DMBX1: variants seen among roughly 807,000 people sequenced by gnomAD.
DMBX1 encodes diencephalon/mesencephalon homeobox protein 1.
DMBX1 carries 7 observed loss-of-function variants against 30.4 expected under a neutral mutation model. The ratio of observed to expected loss-of-function variants is 0.23; its 90% confidence interval spans 0.13 to 0.43. The LOEUF is 0.43. Among genes scored for constraint, DMBX1 ranks in the 20% least tolerant of loss-of-function variants. DMBX1 has a pLI of 1.00. For synonymous variants in DMBX1, 222 were observed against 214.2 expected (o/e 1.04, Z -0.32); for missense variants, 460 against 508.5 (o/e 0.90, Z 0.92).
intron 2 of DMBX1, among the ~76,000 whole-genome samples, chr1:46,495,873 G>A (rs947021959): frequency 6.6e-6 from 1 of 152,174 alleles, no homozygotes; most frequent in Admixed American, 6.5e-5. Context: ...GCTTTGGAGA[G>A]CCATGGCTCA....
In DMBX1 at chr1:46,515,850, C is replaced by T. The variant is rs1428351097; in HGVS notation, c.*3356C>T. 6.6e-6 allele frequency among the ~76,000 whole-genome samples: 1 copy of T among 152,226 alleles called. No homozygotes were observed. Among genetic ancestry groups the T allele is most frequent in the Non-Finnish European group, 1.5e-5 (1 of 68,040 alleles). On this transcript the variant is annotated 3_prime_UTR_variant, in exon 6 of 6. Coordinates refer to ENST00000360032, the MANE Select transcript of DMBX1 (RefSeq NM_172225.2). Reference sequence around the variant, plus strand: ...TCCAGGAATGCCTCATGCCTGGCCTCTCCCTGCTGTCTGAGTCTCCATTTC... The same window carrying T: ...TCCAGGAATGCCTCATGCCTGGCCTTTCCCTGCTGTCTGAGTCTCCATTTC...
chr1:46,497,736 G>A (rs979266194), intron 2 of DMBX1, among the ~76,000 whole-genome samples: 4 of 152,240 alleles, frequency 2.6e-5, no homozygotes, highest in African/African-American at 7.2e-5. Flanking sequence ...AGCCAGCAGC[G>A]ATGCGGGGAC....
chr1:46,498,885 A>G (rs1666072594), intron 2 of DMBX1, among the ~76,000 whole-genome samples: 1 of 152,160 alleles, frequency 6.6e-6, no homozygotes, highest in African/African-American at 2.4e-5. Flanking sequence ...AGGGGCCTTG[A>G]TGTCCAGCTG....
In DMBX1 at chr1:46,511,086, C is replaced by T; in HGVS notation, c.485C>T (p.Pro162Leu). The T allele has an allele frequency of 6.2e-7, 1 of 1,614,110 alleles. No individual in the cohort carries two copies. Among genetic ancestry groups the T allele is most frequent in the Non-Finnish European group, 8.5e-7 (1 of 1,180,012 alleles). The part of the protein sequence containing the change: ...TPDTQLDTEQ[P>L]PRLPGSDPPA... ...GATACCCAGCTGGACACTGAGCAGC[C>T]CCCACGTCTGCCTGGCAGCGACCCC... is the stretch of plus-strand genomic sequence containing the variant. Residue 162 changes from proline (P) to leucine (L), a missense_variant, in exon 5 of 6, where the codon CCC becomes CTC. Physicochemically the swap from Pro to Leu is moderately conservative, Grantham distance 98. Transcript: ENST00000360032.
intron 2 of DMBX1, among the ~76,000 whole-genome samples, chr1:46,501,251 T>TC (rs1458073081): frequency 7.1e-6 from 1 of 140,190 alleles, no homozygotes; most frequent in Non-Finnish European, 1.5e-5. Flanking sequence ...TCTTTCTTTC[T>TC]TTCTTTCTTT....
chr1:46,510,721 C>A lies in DMBX1; in HGVS notation c.333+67C>A. On this transcript the variant is annotated intron_variant, in intron 4 of 5. Transcript: ENST00000360032. This position sits in a 1 kb window ranked among gnomAD's most constrained non-coding sequence, Gnocchi z 4.1. ...CAGCCCATCAGTCTGCCCGCTTGTC[C>A]AGGAGCCAGCATGTCATCCCTGTGC... The A allele has an allele frequency of 6.5e-7, 1 of 1,540,744 alleles. No individual in the cohort carries two copies. The highest frequency in any genetic ancestry group is 8.8e-7 in the Non-Finnish European group (1 of 1,140,464).
intron 2 of DMBX1, among the ~76,000 whole-genome samples, chr1:46,505,879 T>C (rs1189714924): frequency 1.3e-5 from 2 of 152,000 alleles, no homozygotes; most frequent in African/African-American, 4.8e-5. Context: ...CTGTTCTTTC[T>C]CTGAGCCTCA....
intron 2 of DMBX1, among the ~76,000 whole-genome samples, chr1:46,494,269 C>G (rs1001621266): frequency 6.6e-6 from 1 of 152,202 alleles, no homozygotes; most frequent in Non-Finnish European, 1.5e-5. Context: ...AGTGGCCTCT[C>G]CCATCTTCTT....
At position 46,493,518 on chromosome 1, in the gene DMBX1, G is replaced by T. The variant is rs1298758964; in HGVS notation, c.-13+2735G>T. Reference sequence around the variant, plus strand: ...GGACAGACCACAGATCCCAGCTCTGGTGGCTCTGGCCCCAACTGTTCTTCG... The same window carrying T: ...GGACAGACCACAGATCCCAGCTCTGTTGGCTCTGGCCCCAACTGTTCTTCG... On this transcript the variant is annotated intron_variant, in intron 2 of 5. Transcript: ENST00000360032. This position sits in a 1 kb window ranked among gnomAD's most constrained non-coding sequence, Gnocchi z 4.1. 1.3e-5 allele frequency among the ~76,000 whole-genome samples: 2 copies of T among 152,252 alleles called. No individual in the cohort carries two copies. The highest frequency in any genetic ancestry group is 1.3e-4 in the Admixed American group (2 of 15,292).
At chr1:46,511,956 C>G in intron 5 of DMBX1, 87 bp from the exon 6 acceptor site, 1 of 1,336,604 alleles carries the variant, frequency 7.5e-7, no homozygotes, top group South Asian at 1.3e-5. Context: ...TCTATAGTGC[C>G]AAGGAGGTGA....
At chr1:46,501,584 A>G (rs1478371460) in intron 2 of DMBX1, among the ~76,000 whole-genome samples, 1 of 152,120 alleles carries the variant, frequency 6.6e-6, no homozygotes, top group Non-Finnish European at 1.5e-5. Context: ...TTCTTTGGTT[A>G]TAAATAAGGC....
chr1:46,497,340 TG>T (rs1235948419), intron 2 of DMBX1, among the ~76,000 whole-genome samples: 1 of 152,200 alleles, frequency 6.6e-6, no homozygotes, highest in African/African-American at 2.4e-5. Flanking sequence ...ATTCAAAGAC[TG>T]GTAGCTGTTG....
intron 2 of DMBX1, among the ~76,000 whole-genome samples, chr1:46,500,396 G>C (rs1666100878): frequency 6.6e-6 from 1 of 152,098 alleles, no homozygotes; most frequent in Non-Finnish European, 1.5e-5. Context: ...CCTGAGTTTG[G>C]TGGGGGAGGG....
rs76452763 is a variant in DMBX1, at chr1:46,491,952, C to A, written c.-13+1169C>A. On this transcript the variant is annotated intron_variant, in intron 2 of 5. Transcript: ENST00000360032. The surrounding 1 kb of genome is among the most constrained non-coding windows in gnomAD (Gnocchi z 5.5). ...TTCTCTGGATAATTGGCTCAAATCTCTCTCCTGTATGGCTGGGGTAGACAC... is the reference window on the plus strand; with the variant it reads ...TTCTCTGGATAATTGGCTCAAATCTATCTCCTGTATGGCTGGGGTAGACAC... Among the ~76,000 whole-genome samples, 840 of 152,348 alleles carry A rather than the reference C, an allele frequency of 5.5e-3. 12 individuals carry two copies. The highest frequency in any genetic ancestry group is 0.054 in the East Asian group (280 of 5,186).
At chr1:46,507,568 T>A (rs1003365125) in intron 3 of DMBX1, among the ~76,000 whole-genome samples, 3 of 152,174 alleles carry the variant, frequency 2.0e-5, no homozygotes, top group African/African-American at 7.2e-5. Context: ...AAATAACAGC[T>A]TCTATGTTCT....
At position 46,510,530 on chromosome 1, in the gene DMBX1, G is replaced by A. The variant is rs1569897320; in HGVS notation, c.209G>A (p.Arg70His). Residue 70 changes from arginine to histidine, a missense_variant, in exon 4 of 6, where the codon CGC (arginine) becomes CAC (histidine). This residue lies in a region of DMBX1 where 124 missense variants were observed against 144.0 expected (regional missense o/e 0.86). Transcript: ENST00000360032. This position sits in a 1 kb window ranked among gnomAD's most constrained non-coding sequence, Gnocchi z 4.1. ...GSQHRKQRRS[R>H]TAFTAQQLEA... ...CAGCACCGCAAACAACGTCGCAGCC[G>A]CACAGCGTTCACGGCTCAGCAGCTC... is the stretch of plus-strand genomic sequence containing the variant. 6.2e-7 allele frequency: 1 copy of A among 1,613,970 alleles called. No homozygotes were observed. Among genetic ancestry groups the A allele is most frequent in the Admixed American group, 1.7e-5 (1 of 60,002 alleles).
Position 46,493,498 on chromosome 1 carries a change from G to C in DMBX1, c.-13+2715G>C, listed in dbSNP as rs1000802026. 3.9e-5 allele frequency among the ~76,000 whole-genome samples: 6 copies of C among 152,256 alleles called. No individual in the cohort carries two copies. Among genetic ancestry groups the C allele is most frequent in the Non-Finnish European group, 8.8e-5 (6 of 68,044 alleles). The stretch of plus-strand genomic sequence containing the variant: ...ATGGGTGGACATCCCAGATTGGACA[G>C]ACCACAGATCCCAGCTCTGGTGGCT... On this transcript the variant is annotated intron_variant, in intron 2 of 5. Coordinates refer to ENST00000360032, the MANE Select transcript of DMBX1 (RefSeq NM_172225.2). This position sits in a 1 kb window ranked among gnomAD's most constrained non-coding sequence, Gnocchi z 4.1.
At chr1:46,505,413 T>C (rs1411150832) in intron 2 of DMBX1, among the ~76,000 whole-genome samples, 1 of 138,148 alleles carries the variant, frequency 7.2e-6, no homozygotes, top group Non-Finnish European at 1.5e-5. Flanking sequence ...TGGAATACTA[T>C]GCAGCCATAA....
intron 2 of DMBX1, among the ~76,000 whole-genome samples, chr1:46,492,302 A>G (rs1474869447): frequency 6.6e-6 from 1 of 152,212 alleles, no homozygotes; most frequent in Non-Finnish European, 1.5e-5. Flanking sequence ...CACAACCCCA[A>G]GTGGTCAGGA....
Sources: gnomAD v4.1 joint callset for allele counts (sites outside exome capture counted in the v4.1 genomes callset) on GRCh38, gnomAD v4.1.1 for gene constraint, gnomAD v4.1.1 regional missense constraint, Gnocchi (gnomAD v3.1) non-coding constraint, MANE v1.5 for transcripts, NCBI Gene and HGNC (gene_info 2026-07-23, HGNC 2026-07-21) for gene names.